WDFY4: variants seen among roughly 807,000 people sequenced by gnomAD.
WDFY4 encodes WD repeat- and FYVE domain-containing protein 4.
Under a neutral mutation model 351.9 loss-of-function variants are expected in WDFY4, and 169 were observed. That is an observed-to-expected ratio of 0.48 (90% CI 0.42 to 0.55). WDFY4 has a LOEUF of 0.55. WDFY4 is among the 20% of genes least tolerant of loss of function. WDFY4 has a pLI of 0.00. For missense variants in WDFY4, 3,803 were observed against 3,935.6 expected (o/e 0.97, Z 0.90); for synonymous variants, 1,622 against 1,574.6 (o/e 1.03, Z -0.71).
Position 48,976,803 on chromosome 10 carries a change from A to G in WDFY4, c.9115A>G (p.Ile3039Val), listed in dbSNP as rs181110269. The G allele has an allele frequency of 2.2e-4, 316 of 1,459,764 alleles. No homozygotes were observed. Among genetic ancestry groups the G allele is most frequent in the Non-Finnish European group, 2.7e-4 (300 of 1,097,030 alleles). The allele number at this position is 1,459,764 out of a possible 1,614,324, so 90.4% of individuals were successfully genotyped here. A position where few individuals can be genotyped will look rare whatever the true frequency, so the allele number is the denominator to read the frequency against. The change falls in exon 59 of 62, where the codon ATT (isoleucine) becomes GTT (valine). Residue 3039 changes from isoleucine (I) to valine (V), a missense_variant. Physicochemically the swap from Ile to Val is conservative, Grantham distance 29. Transcript: ENST00000325239. Reference protein sequence around the residue: ...AITISDVSGTIVSCAGAHLSL... With the variant: ...AITISDVSGTVVSCAGAHLSL... ...GCCAGCTCTCACTGCACAGGGCACC[A>G]TTGTCTCCTGTGCGGGAGCACACTT...
At chr10:48,782,319 G>A (rs2066253633) in intron 19 of WDFY4, among the ~76,000 whole-genome samples, 1 of 152,210 alleles carries the variant, frequency 6.6e-6, no homozygotes, top group African/African-American at 2.4e-5. Context: ...ATACCTTGAG[G>A]CATGTCTTAT....
chr10:48,691,136 G>T (rs572326884), intron 1 of WDFY4, among the ~76,000 whole-genome samples: 1 of 152,150 alleles, frequency 6.6e-6, no homozygotes, highest in East Asian at 1.9e-4. Context: ...CCAGAATTTG[G>T]GACAGGGGCA....
chr10:48,954,998 C>T (rs1298092909), intron 51 of WDFY4, among the ~76,000 whole-genome samples: 1 of 152,004 alleles, frequency 6.6e-6, no homozygotes, highest in Non-Finnish European at 1.5e-5. Context: ...TACAGGTAAC[C>T]TTTTTATTAC....
chr10:48,809,954 C>A (rs1490573891), intron 28 of WDFY4, among the ~76,000 whole-genome samples: 5 of 152,210 alleles, frequency 3.3e-5, no homozygotes, highest in Admixed American at 2.6e-4. Context: ...AACCCATTGG[C>A]CATTCATCTC....
intron 2 of WDFY4, among the ~76,000 whole-genome samples, chr10:48,711,778 A>C (rs552517159): frequency 2.6e-5 from 4 of 152,206 alleles, no homozygotes; most frequent in African/African-American, 7.2e-5. Context: ...TGTGTATTTC[A>C]TTTGGCCTGC....
chr10:48,970,425 C>T, intron 57 of WDFY4, 136 bp downstream of exon 57: 4 of 1,234,820 alleles, frequency 3.2e-6, no homozygotes, highest in Non-Finnish European at 4.4e-6. Flanking sequence ...GAGGGCCCTG[C>T]CACCCTCAGA....
At chr10:48,699,324 G>A (rs1385348842) in intron 1 of WDFY4, among the ~76,000 whole-genome samples, 2 of 152,212 alleles carry the variant, frequency 1.3e-5, no homozygotes, top group African/African-American at 4.8e-5. Flanking sequence ...TTCGGAGCCA[G>A]CAGGGGCAGA....
chr10:48,873,466 G>C (rs1010373131), intron 40 of WDFY4, 25 bp from the exon 41 acceptor site: 3 of 1,528,210 alleles, frequency 2.0e-6, no homozygotes, highest in Middle Eastern at 1.7e-4. Flanking sequence ...AATGTATCCA[G>C]GGTGACTCTG....
rs867952266 is a variant in WDFY4 at position 48,877,635 on chromosome 10, G to A, written c.7167+436G>A. Among the ~76,000 whole-genome samples the A allele has an allele frequency of 2.6e-5, 4 of 152,282 alleles. No homozygotes were observed. In the East Asian group the frequency reaches 5.8e-4, roughly 22 times the overall value. On this transcript the variant is annotated intron_variant, in intron 43 of 61. Coordinates refer to ENST00000325239, the MANE Select transcript of WDFY4 (RefSeq NM_001394531.1). ...TTTGGACACCCCAACCCATATATCCGCACTGTCCCTATGCCTCGGCCTCAC... is the reference window on the plus strand; with the variant it reads ...TTTGGACACCCCAACCCATATATCCACACTGTCCCTATGCCTCGGCCTCAC...
intron 1 of WDFY4, among the ~76,000 whole-genome samples, chr10:48,698,130 C>T (rs1202819112): frequency 2.6e-5 from 4 of 152,200 alleles, no homozygotes; most frequent in African/African-American, 9.7e-5. Flanking sequence ...CCCAGCAGCA[C>T]ATTTTTTCAG....
Position 48,941,822 on chromosome 10 carries a change from G to T in WDFY4, c.7603G>T (p.Asp2535Tyr), listed in dbSNP as rs1394983292. Residue 2535 changes from aspartate (D) to tyrosine (Y), a missense_variant, in exon 48 of 62, where the codon GAC becomes TAC. This residue lies in a region of WDFY4 where 3,054 missense variants were observed against 3,148.6 expected (regional missense o/e 0.97). Coordinates refer to ENST00000325239, the MANE Select transcript of WDFY4 (RefSeq NM_001394531.1). ...GTCCCACAGGAGATACCCCGGCTCT[G>T]ACAGGATCATGCTGCAGAAGTGGCA... Reference protein sequence around the residue: ...TLSLRRYPGSDRIMLQKWQKR... With the variant: ...TLSLRRYPGSYRIMLQKWQKR... 5.8e-6 allele frequency: 9 copies of T among 1,552,228 alleles called. No homozygotes were observed. The highest frequency in any genetic ancestry group is 7.8e-6 in the Non-Finnish European group (9 of 1,147,092).
At chr10:48,958,461 G>T (rs563082872) in intron 52 of WDFY4, among the ~76,000 whole-genome samples, 1 of 152,320 alleles carries the variant, frequency 6.6e-6, no homozygotes, top group African/African-American at 2.4e-5. Context: ...TCTTGGAAAT[G>T]AAGCCAGACT....
intron 43 of WDFY4, chr10:48,877,948 T>C (rs1487330226): frequency 1.3e-5 from 2 of 152,284 alleles, no homozygotes; most frequent in African/African-American, 2.4e-5. Flanking sequence ...ACCTCAGTTC[T>C]AGTCCCAACT....
intron 26 of WDFY4, 46 bp downstream of exon 26, chr10:48,805,467 G>A (rs1330720562): frequency 2.0e-6 from 3 of 1,532,398 alleles, no homozygotes; most frequent in Admixed American, 2.0e-5. Flanking sequence ...CCCCAGGGCT[G>A]TTTAAAAAGG....
Position 48,976,877 on chromosome 10 carries a change from C to T in WDFY4, c.9189C>T (p.Ala3063=), listed in dbSNP as rs371522547. The T allele has an allele frequency of 8.9e-5, 137 of 1,540,690 alleles. No individual in the cohort carries two copies. The African/African-American group carries it at 1.8e-3, about 20-fold the overall frequency. Residue 3063 remains alanine (A), a synonymous_variant, in exon 59 of 62, where the codon GCC becomes GCT. Transcript: ENST00000325239. Reference sequence around the variant, plus strand: ...AGCCCCTGGCCAGCATCACCACAGCCTGGGGCCCAGAAGGAGCCATAACCT... The same window carrying T: ...AGCCCCTGGCCAGCATCACCACAGCTTGGGGCCCAGAAGGAGCCATAACCT... ...NGQPLASITT[A]WGPEGAITCC...
chr10:48,926,602 C>A (rs1421269015), intron 47 of WDFY4, among the ~76,000 whole-genome samples: 3 of 152,142 alleles, frequency 2.0e-5, no homozygotes, highest in African/African-American at 7.2e-5. Flanking sequence ...TTCAGTGTGA[C>A]CCATTGTCTG....
intron 39 of WDFY4, among the ~76,000 whole-genome samples, chr10:48,862,857 T>C (rs1589769101): frequency 6.6e-6 from 1 of 152,344 alleles, no homozygotes; most frequent in East Asian, 1.9e-4. Flanking sequence ...CTGCATATTC[T>C]AGCTATCACT....
rs774692665 is a variant in WDFY4 at position 48,723,414 on chromosome 10, G to A, written c.457-19G>A. Reference sequence around the variant, plus strand: ...CTGCTGCCTTGCTGCCTGGGGTCACGTGTGCTCTTCTCTTGCAGGAGACGC... The same window carrying A: ...CTGCTGCCTTGCTGCCTGGGGTCACATGTGCTCTTCTCTTGCAGGAGACGC... On this transcript the variant is annotated intron_variant, in intron 4 of 61. Coordinates refer to ENST00000325239, the MANE Select transcript of WDFY4 (RefSeq NM_001394531.1). 1.3e-5 allele frequency: 20 copies of A among 1,548,214 alleles called. No individual in the cohort carries two copies. The highest frequency in any genetic ancestry group is 5.5e-5 in the African/African-American group (4 of 72,928).
intron 6 of WDFY4, among the ~76,000 whole-genome samples, chr10:48,726,729 C>T (rs2064281170): frequency 6.6e-6 from 1 of 152,264 alleles, no homozygotes; most frequent in Non-Finnish European, 1.5e-5. Context: ...TGCGGCTCTT[C>T]TGAGTCCTTG....
Sources: allele counts gnomAD v4.1 joint callset (sites outside exome capture counted in the v4.1 genomes callset), GRCh38; gene constraint gnomAD v4.1.1; regional missense constraint gnomAD v4.1.1; transcripts MANE v1.5; gene names NCBI Gene and HGNC (gene_info 2026-07-23, HGNC 2026-07-21).